The following HS6ST2 variants were observed in gnomAD, a reference collection of about 807,000 sequenced individuals.
The protein encoded by HS6ST2 is heparan sulfate 6-O-sulfotransferase 2, also known as heparan-sulfate 6-O-sulfotransferase 2.
HS6ST2 carries 17 observed loss-of-function variants against 33.0 expected under a neutral mutation model. That is an observed-to-expected ratio of 0.52 (90% CI 0.35 to 0.77). The LOEUF is 0.77. Ranked by LOEUF, HS6ST2 falls within the 30% of genes least tolerant of loss-of-function variation. The pLI is 0.01. For synonymous variants in HS6ST2, 248 were observed against 237.1 expected, an observed-to-expected ratio of 1.05 and a Z score of -0.42; for missense variants, 519 against 551.7, an observed-to-expected ratio of 0.94 and a Z score of 0.59.
chrX:132,754,562 G>A (rs763775487), intron 2 of HS6ST2, among the ~76,000 whole-genome samples: 12 of 107,794 alleles, frequency 1.1e-4, no homozygotes, highest in African/African-American at 3.7e-4. Flanking sequence ...GACTACAGGT[G>A]CCTGCCACCA....
chrX:132,755,770 G>A (rs1347245663), intron 2 of HS6ST2, among the ~76,000 whole-genome samples: 3 of 111,690 alleles, frequency 2.7e-5, no homozygotes, highest in East Asian at 2.8e-4. Flanking sequence ...TTCCATGATC[G>A]CGCCTATGAA....
intron 2 of HS6ST2, among the ~76,000 whole-genome samples, chrX:132,781,223 T>C (rs2148331650): frequency 8.9e-6 from 1 of 112,012 alleles, no homozygotes; most frequent in African/African-American, 3.2e-5. Flanking sequence ...CCCAATTGGT[T>C]TGAAAGGTTA....
chrX:132,830,645 T>C (rs2065580081), intron 2 of HS6ST2, among the ~76,000 whole-genome samples: 1 of 112,428 alleles, frequency 8.9e-6, no homozygotes, highest in Non-Finnish European at 1.9e-5. Context: ...CCTTTCTACC[T>C]GTAAGAAGTT....
In HS6ST2 at chrX:132,752,337, T is replaced by TG. The variant is rs746918612; in HGVS notation, c.948-43844dup. ...AAACACAAAATTTAGCCGGGTGTGG[T>TG]GGCGCACATCTGTGGTCACAACTAC... is the stretch of plus-strand genomic sequence containing the variant. On this transcript the variant is annotated intron_variant, in intron 2 of 4. Transcript: ENST00000370833. 2.1e-4 allele frequency among the ~76,000 whole-genome samples: 23 copies of TG among 109,973 alleles called. 1 individual carries two copies. In the South Asian group the frequency reaches 9.2e-3, roughly 44 times the overall value.
intron 2 of HS6ST2, among the ~76,000 whole-genome samples, chrX:132,823,853 A>AAATAATAAT (rs34008866): frequency 0.1 from 9,268 of 92,379 alleles, 620 homozygotes; most frequent in African/African-American, 0.2. Context: ...ACTTCATAAA[A>AAATAATAAT]AATAATAATA....
intron 2 of HS6ST2, among the ~76,000 whole-genome samples, chrX:132,717,355 T>C (rs189845620): frequency 4.6e-4 from 52 of 112,842 alleles, no homozygotes; most frequent in African/African-American, 1.6e-3. Context: ...CTACTTTTCA[T>C]TGGTCACTTC....
At chrX:132,645,004 G>C (rs1240554263) in intron 4 of HS6ST2, among the ~76,000 whole-genome samples, 4 of 111,310 alleles carry the variant, frequency 3.6e-5, no homozygotes, top group Non-Finnish European at 7.5e-5. Context: ...CTATTTCTTT[G>C]GTCCTTTGTT....
chrX:132,756,623 C>T (rs1213192950), intron 2 of HS6ST2, among the ~76,000 whole-genome samples: 1 of 109,831 alleles, frequency 9.1e-6, no homozygotes, highest in Non-Finnish European at 1.9e-5. Context: ...CATGTGTGCT[C>T]TCTTGCTCCT....
At chrX:132,683,456 T>C (rs964632495) in intron 3 of HS6ST2, among the ~76,000 whole-genome samples, 1 of 111,840 alleles carries the variant, frequency 8.9e-6, no homozygotes, top group Non-Finnish European at 1.9e-5. Flanking sequence ...CAAGTGATGG[T>C]CACAAACTGA....
intron 2 of HS6ST2, among the ~76,000 whole-genome samples, chrX:132,763,749 G>A (rs1478094734): frequency 2.7e-5 from 3 of 112,204 alleles, no homozygotes; most frequent in Non-Finnish European, 3.8e-5. Context: ...AGACTTAGAG[G>A]CTGCTTGTGT....
In HS6ST2 at chrX:132,958,439, G is replaced by A. The variant is rs1395246801; in HGVS notation, c.164C>T (p.Pro55Leu). 8.3e-7 allele frequency: 1 copy of A among 1,199,724 alleles called. No homozygotes were observed. Among genetic ancestry groups the A allele is most frequent in the South Asian group, 1.8e-5 (1 of 55,791 alleles). Reference protein sequence around the residue: ...SVAASVRAGPPRGVSHGFHTR... With the variant: ...SVAASVRAGPLRGVSHGFHTR... The stretch of plus-strand genomic sequence containing the variant: ...GTGGAATCCGTGAGACACACCCCTA[G>A]GAGGGCCCGCGCGAACTGAGGCGGC... The change falls in exon 1 of 5, where the codon CCT (proline) becomes CTT (leucine). Residue 55 changes from proline (P) to leucine (L), a missense_variant. By Grantham distance (98) the Pro-to-Leu change is moderately conservative. Coordinates refer to ENST00000370833, the MANE Select transcript of HS6ST2 (RefSeq NM_001394073.1).
At chrX:132,773,465 C>T (rs747509474) in intron 2 of HS6ST2, among the ~76,000 whole-genome samples, 1 of 109,923 alleles carries the variant, frequency 9.1e-6, no homozygotes, top group South Asian at 3.8e-4. Flanking sequence ...CCAGCAATTC[C>T]ACTCCTAGGT....
At chrX:132,762,929 T>C (rs1010558191) in intron 2 of HS6ST2, among the ~76,000 whole-genome samples, 2 of 112,104 alleles carry the variant, frequency 1.8e-5, no homozygotes, top group African/African-American at 6.5e-5. Flanking sequence ...CTTACTATCA[T>C]GTGACCCTGG....
chrX:132,814,857 A>G (rs1296154623), intron 2 of HS6ST2, among the ~76,000 whole-genome samples: 1 of 111,949 alleles, frequency 8.9e-6, no homozygotes, highest in African/African-American at 3.3e-5. Context: ...CTCCACTTCT[A>G]CTGTTACCTC....
At chrX:132,629,118 C>T (rs749440452) in intron 4 of HS6ST2, 25 bp from the exon 5 acceptor site, 2 of 1,169,908 alleles carry the variant, frequency 1.7e-6, no homozygotes, top group Non-Finnish European at 2.3e-6. Flanking sequence ...CAAAAACCAA[C>T]AGTCAGAGAT....
chrX:132,716,242 C>CT (rs2064272011), intron 2 of HS6ST2, among the ~76,000 whole-genome samples: 1 of 111,646 alleles, frequency 9.0e-6, no homozygotes, highest in Non-Finnish European at 1.9e-5. Flanking sequence ...AATCTAGACA[C>CT]TGAAGGATTC....
chrX:132,916,540 T>C lies in HS6ST2; in HGVS notation c.947+40268A>G. ...TAACATTTGAGTCAGCAGAGTGTTA[T>C]GGGTAGACCCACCCTCAATCTGGGT... is the stretch of plus-strand genomic sequence containing the variant. On this transcript the variant is annotated intron_variant, in intron 2 of 4. Transcript: ENST00000370833. Among the ~76,000 whole-genome samples the C allele has an allele frequency of 1.8e-5, 2 of 112,069 alleles. 1 individual carries two copies. Among genetic ancestry groups the C allele is most frequent in the Middle Eastern group, 8.3e-3 (2 of 240 alleles).
At chrX:132,953,399 C>T (rs755776407) in intron 2 of HS6ST2, among the ~76,000 whole-genome samples, 2 of 111,253 alleles carry the variant, frequency 1.8e-5, no homozygotes, top group Non-Finnish European at 3.8e-5. Flanking sequence ...CTCCAGGCAA[C>T]GTGATCACGG....
intron 2 of HS6ST2, among the ~76,000 whole-genome samples, chrX:132,831,391 T>G (rs1190432137): frequency 9.0e-6 from 1 of 111,389 alleles, no homozygotes; most frequent in Non-Finnish European, 1.9e-5. Flanking sequence ...GCCTTCCAGT[T>G]TCCAGAATTT....
Sources: allele counts gnomAD v4.1 joint callset (sites outside exome capture counted in the v4.1 genomes callset), GRCh38; gene constraint gnomAD v4.1.1; transcripts MANE v1.5; gene names NCBI Gene and HGNC (gene_info 2026-07-23, HGNC 2026-07-21).